Variants in ARHGAP28 observed in about 807,000 individuals in gnomAD.
ARHGAP28 encodes the protein rho GTPase-activating protein 28.
In ARHGAP28, 56 loss-of-function variants were observed where a neutral mutation model predicts 90.7. The ratio of observed to expected loss-of-function variants is 0.62; its 90% CI spans 0.50 to 0.77. The LOEUF is 0.77. Among genes scored for constraint, ARHGAP28 ranks in the 30% least tolerant of loss-of-function variants. The pLI is 0.00. For synonymous variants in ARHGAP28, 308 were observed against 323.3 expected (o/e 0.95, Z 0.51); for missense variants, 869 against 900.9 (o/e 0.96, Z 0.45).
At chr18:6,839,578 T>A (rs111356719) in intron 3 of ARHGAP28, among the ~76,000 whole-genome samples, 32 of 152,262 alleles carry the variant, frequency 2.1e-4, no homozygotes, top group East Asian at 1.5e-3. Flanking sequence ...ATTACAGGCG[T>A]GAGCCACTGC....
At chr18:6,884,247 A>G (rs1225728453) in intron 11 of ARHGAP28, among the ~76,000 whole-genome samples, 2 of 152,118 alleles carry the variant, frequency 1.3e-5, no homozygotes, top group East Asian at 1.9e-4. Context: ...GGTGGCGGGC[A>G]CCTGTAGACC....
chr18:6,809,746 C>A lies in ARHGAP28; in HGVS notation c.123-15016C>A, dbSNP rs150027916. 3.9e-3 allele frequency among the ~76,000 whole-genome samples: 599 copies of A among 152,228 alleles called. 5 individuals carry two copies. Among genetic ancestry groups the A allele is most frequent in the African/African-American group, 0.014 (566 of 41,522 alleles). On this transcript the variant is annotated intron_variant, in intron 1 of 17. Transcript: ENST00000383472. ...CCCCCATGATCCAATCACCTCTCAC[C>A]AGGCCGCACCTCCAACATTGGGGAT... is the stretch of plus-strand genomic sequence containing the variant.
intron 4 of ARHGAP28, 97 bp downstream of exon 4, chr18:6,851,223 A>ATGGCTGGAC: frequency 9.5e-7 from 1 of 1,057,270 alleles, no homozygotes; most frequent in East Asian, 2.4e-5. Context: ...CATAATTAAG[A>ATGGCTGGAC]TGGCTGGACA....
At chr18:6,735,716 G>T (rs2055920952) in intron 1 of ARHGAP28, among the ~76,000 whole-genome samples, 1 of 152,024 alleles carries the variant, frequency 6.6e-6, no homozygotes, top group Admixed American at 6.6e-5. Flanking sequence ...CACCATGCCT[G>T]ACTAATTTTT....
At chr18:6,763,061 A>G (rs1484365747) in intron 1 of ARHGAP28, among the ~76,000 whole-genome samples, 1 of 151,770 alleles carries the variant, frequency 6.6e-6, no homozygotes, top group Non-Finnish European at 1.5e-5. Context: ...AATTTTCACA[A>G]TAACTTTATG....
chr18:6,909,081 A>T (rs1301868213), intron 17 of ARHGAP28, 57 bp downstream of exon 17: 1 of 976,932 alleles, frequency 1.0e-6, no homozygotes, highest in Non-Finnish European at 1.6e-6. Flanking sequence ...TAAAAGAAAT[A>T]TGTTGCTATA....
chr18:6,898,772 A>C lies in ARHGAP28; in HGVS notation c.2030+2146A>C, dbSNP rs2057322371. 4.0e-6 allele frequency: 5 copies of C among 1,253,164 alleles called. No homozygotes were observed. The South Asian group carries it at 1.1e-4, about 29-fold the overall frequency. The allele number at this position is 1,253,164 out of a possible 1,614,324, so 77.6% of individuals were successfully genotyped here. On this transcript the variant is annotated intron_variant, in intron 16 of 17. Coordinates refer to ENST00000383472, the MANE Select transcript of ARHGAP28 (RefSeq NM_001366230.1). ...TATAACAACTTGTTCAAAAAATCTTAGTAACTCAGGAATGGAAAACCAAAC... is the reference window on the plus strand; with the variant it reads ...TATAACAACTTGTTCAAAAAATCTTCGTAACTCAGGAATGGAAAACCAAAC...
At chr18:6,752,076 A>G (rs192407158) in intron 1 of ARHGAP28, among the ~76,000 whole-genome samples, 149 of 152,360 alleles carry the variant, frequency 9.8e-4, no homozygotes, top group African/African-American at 3.4e-3. Flanking sequence ...TATTTTAACT[A>G]TTAAATAATT....
At chr18:6,774,672 T>C (rs1347003421) in intron 1 of ARHGAP28, among the ~76,000 whole-genome samples, 1 of 152,230 alleles carries the variant, frequency 6.6e-6, no homozygotes, top group Non-Finnish European at 1.5e-5. Flanking sequence ...TAGAGTTCAT[T>C]AGCCAAGCAA....
intron 3 of ARHGAP28, among the ~76,000 whole-genome samples, chr18:6,847,165 T>C (rs956977865): frequency 2.0e-5 from 3 of 152,106 alleles, no homozygotes; most frequent in Non-Finnish European, 2.9e-5. Context: ...GGGGACCTTC[T>C]CTGCAGGAGT....
chr18:6,841,185 CTCTCTCTCTCTCTCTCTCCTCTCCTCT>C (rs2056816325), intron 3 of ARHGAP28, among the ~76,000 whole-genome samples: 1 of 56,476 alleles, frequency 1.8e-5, no homozygotes, highest in Non-Finnish European at 3.3e-5. Flanking sequence ...TCTCTCCTCT[CTCTCTCTCTCTCTCTCTCCTCTCCTCT>C]CTCTCTCTCT....
chr18:6,827,885 C>G (rs111411322), intron 2 of ARHGAP28, among the ~76,000 whole-genome samples: 1 of 150,334 alleles, frequency 6.7e-6, no homozygotes, highest in African/African-American at 2.5e-5. Context: ...CGGGAAGAGG[C>G]GCTCCTCACT....
chr18:6,825,613 C>G (rs1363552137), intron 2 of ARHGAP28, among the ~76,000 whole-genome samples: 1 of 152,110 alleles, frequency 6.6e-6, no homozygotes, highest in Non-Finnish European at 1.5e-5. Context: ...TCCCTACCTC[C>G]CCCCTCTAGT....
chr18:6,784,463 T>C (rs2056351058), intron 1 of ARHGAP28, among the ~76,000 whole-genome samples: 2 of 152,206 alleles, frequency 1.3e-5, no homozygotes, highest in African/African-American at 4.8e-5. Flanking sequence ...TCTCCTGCCC[T>C]GTCTCCAACC....
At position 6,797,950 on chromosome 18, in the gene ARHGAP28, G is replaced by A. The variant is rs146007021; in HGVS notation, c.123-26812G>A. On this transcript the variant is annotated intron_variant, in intron 1 of 17. Transcript: ENST00000383472. ...GCTGGGATTACAGGCATGAGCCACT[G>A]TGCCCAGCCGAAACACAATTTTTTA... Among the ~76,000 whole-genome samples the A allele has an allele frequency of 9.4e-3, 1,432 of 152,144 alleles. 18 individuals are homozygous for A. Among genetic ancestry groups the A allele is most frequent in the African/African-American group, 0.032 (1,326 of 41,514 alleles).
intron 9 of ARHGAP28, chr18:6,874,860 G>A (rs962054054): frequency 1.3e-5 from 2 of 152,200 alleles, no homozygotes; most frequent in Non-Finnish European, 2.9e-5. Context: ...TCAGCACAGA[G>A]CAGCCCAAAG....
chr18:6,809,366 G>T (rs1041645966), intron 1 of ARHGAP28, among the ~76,000 whole-genome samples: 2 of 152,098 alleles, frequency 1.3e-5, no homozygotes, highest in African/African-American at 4.8e-5. Flanking sequence ...GGCTCCATTT[G>T]CCCTTACTAG....
chr18:6,893,872 T>TTG (rs1567985637), intron 14 of ARHGAP28, among the ~76,000 whole-genome samples: 1 of 149,212 alleles, frequency 6.7e-6, no homozygotes, highest in African/African-American at 2.5e-5. Context: ...TTTTGGTTTT[T>TTG]TTTTTTTTTT....
chr18:6,827,627 C>CG (rs1231518965), intron 2 of ARHGAP28, among the ~76,000 whole-genome samples: 3 of 98,200 alleles, frequency 3.1e-5, no homozygotes, highest in Non-Finnish European at 6.5e-5. Flanking sequence ...GGCGGCTGGC[C>CG]GGCAGGGGGG....
Sources: allele counts gnomAD v4.1 joint callset (sites outside exome capture counted in the v4.1 genomes callset), GRCh38; gene constraint gnomAD v4.1.1; transcripts MANE v1.5; gene names NCBI Gene and HGNC (gene_info 2026-07-23, HGNC 2026-07-21).